ADGRB3: variants seen among roughly 807,000 people sequenced by gnomAD.
The protein encoded by ADGRB3 is adhesion G protein-coupled receptor B3, also known as brain-specific angiogenesis inhibitor 3.
In ADGRB3, 37 loss-of-function variants were observed where a neutral mutation model predicts 193.4. The ratio of observed to expected loss-of-function variants is 0.19; its 90% CI spans 0.15 to 0.25. The LOEUF (loss-of-function observed/expected upper bound fraction) is 0.25. ADGRB3 is among the 10% of genes least tolerant of loss of function. ADGRB3 has a pLI of 1.00. For synonymous variants in ADGRB3, 690 were observed against 644.2 expected (o/e 1.07, Z -1.08); for missense variants, 1,637 against 1,852.9 (o/e 0.88, Z 2.14).
At chr6:69,223,745 C>T (rs1420646663) in intron 17 of ADGRB3, among the ~76,000 whole-genome samples, 1 of 149,918 alleles carries the variant, frequency 6.7e-6, no homozygotes, top group Non-Finnish European at 1.5e-5. Flanking sequence ...CACCCTTGAC[C>T]TCCTGGATTC....
intron 3 of ADGRB3, among the ~76,000 whole-genome samples, chr6:68,813,516 AGCAT>A (rs747532514): frequency 3.9e-5 from 6 of 152,124 alleles, no homozygotes; most frequent in Non-Finnish European, 8.8e-5. Flanking sequence ...ATTAACTTAG[AGCAT>A]GCAGGAACAG....
chr6:68,772,932 T>TATATATATATATAC (rs1383379769), intron 3 of ADGRB3, among the ~76,000 whole-genome samples: 2 of 47,862 alleles, frequency 4.2e-5, no homozygotes, highest in African/African-American at 1.3e-4. Context: ...TATATATATA[T>TATATATATATATAC]ACATACACAC....
intron 20 of ADGRB3, among the ~76,000 whole-genome samples, chr6:69,299,156 G>A (rs371583470): frequency 1.3e-5 from 2 of 151,828 alleles, no homozygotes; most frequent in Admixed American, 6.6e-5. Flanking sequence ...ATTTTCATAC[G>A]CCTGTTGGCC....
At chr6:69,309,128 A>T (rs1768126915) in intron 20 of ADGRB3, among the ~76,000 whole-genome samples, 1 of 151,754 alleles carries the variant, frequency 6.6e-6, no homozygotes. Context: ...CAAAATTCCC[A>T]TTGATATTAT....
chr6:68,653,399 A>G (rs1582099742), intron 3 of ADGRB3, among the ~76,000 whole-genome samples: 1 of 152,108 alleles, frequency 6.6e-6, no homozygotes, highest in East Asian at 1.9e-4. Flanking sequence ...GTGATTAGTT[A>G]CATTGGTGAT....
At chr6:68,940,609 A>G (rs1582332676) in intron 5 of ADGRB3, among the ~76,000 whole-genome samples, 2 of 90,270 alleles carry the variant, frequency 2.2e-5, no homozygotes, top group African/African-American at 7.5e-5. Flanking sequence ...TTCTTAAAAA[A>G]TAAAACCTAG....
intron 31 of ADGRB3, among the ~76,000 whole-genome samples, chr6:69,388,162 CAA>C (rs1208313255): frequency 3.9e-5 from 6 of 151,908 alleles, no homozygotes; most frequent in South Asian, 2.1e-4. Context: ...ACTCATAAAA[CAA>C]GAGAATATAG....
rs551343571 is a variant in ADGRB3, at chr6:69,015,547, G to A, written c.1998+1441G>A. Among the ~76,000 whole-genome samples the A allele has an allele frequency of 5.3e-5, 8 of 152,018 alleles. No individual in the cohort carries two copies. In the East Asian group the frequency reaches 7.7e-4, roughly 15 times the overall value. On this transcript the variant is annotated intron_variant, in intron 12 of 31. Coordinates refer to ENST00000370598, the MANE Select transcript of ADGRB3 (RefSeq NM_001704.3). The stretch of plus-strand genomic sequence containing the variant: ...GGTGAATGGGTCTCTTGAGTTTGTG[G>A]CACAAACGGTGAACTTTGTGGAAAT...
At chr6:68,913,889 G>T (rs899412526) in intron 3 of ADGRB3, among the ~76,000 whole-genome samples, 2 of 152,050 alleles carry the variant, frequency 1.3e-5, no homozygotes, top group African/African-American at 2.4e-5. Flanking sequence ...AGAACTACGT[G>T]AAGAATGCAG....
intron 3 of ADGRB3, among the ~76,000 whole-genome samples, chr6:68,843,806 T>C (rs1768217373): frequency 6.6e-6 from 1 of 152,128 alleles, no homozygotes; most frequent in African/African-American, 2.4e-5. Context: ...AACAGCATGG[T>C]GCTCACATAA....
intron 3 of ADGRB3, among the ~76,000 whole-genome samples, chr6:68,778,694 C>A (rs1300661890): frequency 1.3e-5 from 2 of 152,082 alleles, no homozygotes; most frequent in South Asian, 4.1e-4. Context: ...AGCCAACCTG[C>A]GTGTTTGTCA....
At chr6:68,806,048 A>G (rs1353541344) in intron 3 of ADGRB3, among the ~76,000 whole-genome samples, 9 of 152,234 alleles carry the variant, frequency 5.9e-5, no homozygotes, top group Non-Finnish European at 1.3e-4. Context: ...GTCACAGCCA[A>G]CATTCTCCCT....
At chr6:69,373,147 G>A (rs12665426) in intron 30 of ADGRB3, among the ~76,000 whole-genome samples, 1 of 151,928 alleles carries the variant, frequency 6.6e-6, no homozygotes, top group Non-Finnish European at 1.5e-5. Flanking sequence ...TATGTGTATT[G>A]ATAATTGGAT....
At chr6:68,836,400 T>G (rs775173416) in intron 3 of ADGRB3, among the ~76,000 whole-genome samples, 3 of 152,162 alleles carry the variant, frequency 2.0e-5, no homozygotes, top group Non-Finnish European at 4.4e-5. Flanking sequence ...GTTCAGGGTT[T>G]TAGCTGTTTT....
At chr6:69,132,069 C>T (rs931507654) in intron 17 of ADGRB3, among the ~76,000 whole-genome samples, 4 of 152,020 alleles carry the variant, frequency 2.6e-5, no homozygotes, top group African/African-American at 9.7e-5. Context: ...CTATTGTGAA[C>T]AGTGCTGCAA....
At chr6:68,958,869 T>TTG (rs1562100541) in intron 8 of ADGRB3, among the ~76,000 whole-genome samples, 12 of 86,994 alleles carry the variant, frequency 1.4e-4, no homozygotes, top group African/African-American at 4.5e-4. Flanking sequence ...CAAAGAAAAA[T>TTG]AGTGTGTGTG....
intron 20 of ADGRB3, among the ~76,000 whole-genome samples, chr6:69,312,197 G>A (rs1182069386): frequency 1.3e-5 from 2 of 151,596 alleles, no homozygotes; most frequent in Admixed American, 1.3e-4. Flanking sequence ...AGAAGTGAGT[G>A]GAGTTTCTAT....
At chr6:69,171,738 T>G (rs1477295731) in intron 17 of ADGRB3, among the ~76,000 whole-genome samples, 14 of 151,690 alleles carry the variant, frequency 9.2e-5, no homozygotes, top group Admixed American at 9.2e-4. Context: ...CTACTTAGCA[T>G]AAAGAATGAA....
intron 11 of ADGRB3, among the ~76,000 whole-genome samples, chr6:68,998,819 T>C (rs917702997): frequency 1.3e-5 from 2 of 152,120 alleles, no homozygotes; most frequent in African/African-American, 4.8e-5. Context: ...CCCGAAGAGG[T>C]GGTGCAGAGG....
Sources: allele counts gnomAD v4.1 joint callset (sites outside exome capture counted in the v4.1 genomes callset), GRCh38; gene constraint gnomAD v4.1.1; transcripts MANE v1.5; gene names NCBI Gene and HGNC (gene_info 2026-07-23, HGNC 2026-07-21).